The following CBLN2 variants were observed in gnomAD, a reference collection of about 807,000 sequenced individuals.
CBLN2 encodes the protein cerebellin-2.
In CBLN2, 7 loss-of-function variants were observed where a neutral mutation model predicts 15.0. That is an observed-to-expected ratio of 0.47 (90% CI 0.27 to 0.88). The LOEUF is 0.88. Ranked by LOEUF, CBLN2 falls within the 40% of genes least tolerant of loss-of-function variation. CBLN2 has a pLI of 0.14. For missense variants in CBLN2, 242 were observed against 304.5 expected (o/e 0.79, Z 1.53); for synonymous variants, 149 against 135.2 (o/e 1.10, Z -0.71).
intron 1 of CBLN2, among the ~76,000 whole-genome samples, chr18:72,601,709 G>A (rs1318498403): frequency 6.6e-6 from 1 of 152,086 alleles, no homozygotes; most frequent in East Asian, 1.9e-4. Context: ...GCCCAAGACA[G>A]CGTCCCCACC....
intron 1 of CBLN2, among the ~76,000 whole-genome samples, chr18:72,579,184 A>G (rs1317337144): frequency 6.6e-6 from 1 of 152,228 alleles, no homozygotes; most frequent in Non-Finnish European, 1.5e-5. Context: ...ATTAAATAAG[A>G]TAGTAAAATC....
intron 1 of CBLN2, among the ~76,000 whole-genome samples, chr18:72,560,427 T>G (rs2144892420): frequency 6.6e-6 from 1 of 152,242 alleles, no homozygotes; most frequent in African/African-American, 2.4e-5. Flanking sequence ...CAAAGCATGT[T>G]AAGACAACCT....
chr18:72,599,343 G>A lies in CBLN2; in HGVS notation c.15+38982C>T, dbSNP rs186505971. Among the ~76,000 whole-genome samples, 11 of 152,246 alleles carry A rather than the reference G, an allele frequency of 7.2e-5. No individual in the cohort carries two copies. The East Asian group carries it at 2.1e-3, about 29-fold the overall frequency. ...AGAATGGAGTTAAAACTTTTCAACA[G>A]AATAATTCGTGGGTGGTAATACAAA... On this transcript the variant is annotated intron_variant, in intron 1 of 2. Coordinates refer to the CBLN2 transcript ENST00000581073.
intron 1 of CBLN2, among the ~76,000 whole-genome samples, chr18:72,607,735 A>G (rs1032473334): frequency 4.0e-5 from 6 of 151,598 alleles, no homozygotes; most frequent in African/African-American, 1.5e-4. Context: ...CTCTAAATTT[A>G]AAAGACTGAG....
At chr18:72,582,643 C>T (rs2144920107) in intron 1 of CBLN2, among the ~76,000 whole-genome samples, 1 of 152,218 alleles carries the variant, frequency 6.6e-6, no homozygotes, top group Admixed American at 6.5e-5. Context: ...GCTCACACAT[C>T]CTTTAATAAT....
At chr18:72,577,647 C>G (rs775763599) in intron 1 of CBLN2, among the ~76,000 whole-genome samples, 23 of 152,316 alleles carry the variant, frequency 1.5e-4, no homozygotes, top group Admixed American at 1.2e-3. Flanking sequence ...AGAGCCAGTG[C>G]GTGCAAAGTT....
intron 1 of CBLN2, among the ~76,000 whole-genome samples, chr18:72,604,598 A>G (rs779205527): frequency 2.0e-5 from 3 of 152,202 alleles, no homozygotes; most frequent in African/African-American, 7.2e-5. Flanking sequence ...GGCCTTTTAG[A>G]GATGATTGAA....
chr18:72,620,465 T>C (rs1002311907), intron 1 of CBLN2: 1 of 152,224 alleles, frequency 6.6e-6, no homozygotes, highest in African/African-American at 2.4e-5. Flanking sequence ...GGACTCTTCT[T>C]TGAAATCAAG....
At chr18:72,635,243 A>G (rs1242277041) in intron 1 of CBLN2, among the ~76,000 whole-genome samples, 4 of 152,210 alleles carry the variant, frequency 2.6e-5, no homozygotes, top group Non-Finnish European at 5.9e-5. Context: ...TTTGAAAAGC[A>G]AGGTCTCTAA....
rs2069562672 is a variant in CBLN2 at position 72,603,488 on chromosome 18, G to A, written c.15+34837C>T. Among the ~76,000 whole-genome samples the A allele has an allele frequency of 3.9e-5, 6 of 152,136 alleles. No individual in the cohort carries two copies. In the South Asian group the frequency reaches 1.2e-3, roughly 32 times the overall value. On this transcript the variant is annotated intron_variant, in intron 1 of 2. Transcript: ENST00000581073. ...ACTATATATTCTTGAAACAGTCAAA[G>A]CTTTTCAACATTCCCTTAAAATGCT...
chr18:72,601,035 C>T (rs976690339), intron 1 of CBLN2, among the ~76,000 whole-genome samples: 4 of 152,162 alleles, frequency 2.6e-5, no homozygotes, highest in African/African-American at 7.2e-5. Flanking sequence ...TCACGTATCT[C>T]GTGACCTCTG....
intron 1 of CBLN2, among the ~76,000 whole-genome samples, chr18:72,579,675 T>G (rs541604745): frequency 7.9e-5 from 12 of 152,106 alleles, no homozygotes; most frequent in African/African-American, 2.4e-4. Flanking sequence ...GAGGTTACAG[T>G]CAGCCAAGAT....
intron 1 of CBLN2, among the ~76,000 whole-genome samples, chr18:72,586,984 G>A (rs1192232155): frequency 6.6e-6 from 1 of 151,928 alleles, no homozygotes; most frequent in East Asian, 1.9e-4. Flanking sequence ...CAGTTACAGT[G>A]TATAAAAGGG....
chr18:72,538,070 C>A lies in CBLN2; in HGVS notation c.*106G>T. ...TCATTCTTCTACTGCAACAGTCTGA[C>A]GGAGGTTGGAAACAAGGTGTCCAAT... On this transcript the variant is annotated 3_prime_UTR_variant, in exon 5 of 5. Transcript: ENST00000269503. 1 of 1,103,334 alleles carries A rather than the reference C, an allele frequency of 9.1e-7. No homozygotes were observed. The allele number at this position is 1,103,334 out of a possible 1,614,324, so 68.3% of individuals were successfully genotyped here.
chr18:72,574,132 G>A (rs1279427563), intron 1 of CBLN2, among the ~76,000 whole-genome samples: 1 of 152,004 alleles, frequency 6.6e-6, no homozygotes, highest in African/African-American at 2.4e-5. Flanking sequence ...TACTTGAGTT[G>A]TTCATTTTGT....
intron 1 of CBLN2, among the ~76,000 whole-genome samples, chr18:72,602,815 C>G (rs542743115): frequency 6.6e-6 from 1 of 152,288 alleles, no homozygotes; most frequent in African/African-American, 2.4e-5. Context: ...ACAGCCTGCT[C>G]TAGGGATTTT....
chr18:72,583,241 G>C (rs1208785414), intron 1 of CBLN2, among the ~76,000 whole-genome samples: 3 of 152,204 alleles, frequency 2.0e-5, no homozygotes, highest in Non-Finnish European at 4.4e-5. Context: ...CCCAGGCAGA[G>C]CTAAATCCTT....
Position 72,538,179 on chromosome 18 carries a change from T to C in CBLN2, c.672A>G (p.Leu224=), listed in dbSNP as rs145290226. Residue 224 remains leucine, a synonymous_variant, in exon 5 of 5, where the codon CTA becomes CTG. Coordinates refer to ENST00000269503, the MANE Select transcript of CBLN2 (RefSeq NM_182511.4). ...CACCATCTAGGGGGCTCTGTGTTTA[T>C]AGAGGAAACACCAAGAAGCCCGAGA... ...STFSGFLVFP[L] The C allele has an allele frequency of 2.5e-6, 4 of 1,613,976 alleles. No homozygotes were observed. Among genetic ancestry groups the C allele is most frequent in the Non-Finnish European group, 3.4e-6 (4 of 1,180,000 alleles).
At chr18:72,605,533 CT>C (rs555219784) in intron 1 of CBLN2, among the ~76,000 whole-genome samples, 284 of 152,150 alleles carry the variant, frequency 1.9e-3, no homozygotes, top group African/African-American at 6.5e-3. Flanking sequence ...TAGTAAAGTG[CT>C]TTTAAAAATT....
Sources: allele counts gnomAD v4.1 joint callset (sites outside exome capture counted in the v4.1 genomes callset), GRCh38; gene constraint gnomAD v4.1.1; transcripts MANE v1.5; gene names NCBI Gene and HGNC (gene_info 2026-07-23, HGNC 2026-07-21).